Variants in HTR4 observed in about 807,000 individuals in gnomAD.
The protein encoded by HTR4 is 5-hydroxytryptamine (serotonin) receptor 4, G protein-coupled.
A neutral mutation model predicts 36.8 loss-of-function variants in HTR4; 16 were observed. The observed-to-expected ratio is 0.43, with a 90% CI of 0.29 to 0.66. HTR4 has a LOEUF of 0.66. Ranked by LOEUF, HTR4 falls within the 30% of genes least tolerant of loss-of-function variation. The pLI is 0.13. For missense variants in HTR4, 438 were observed against 490.9 expected (o/e 0.89, Z 1.02); for synonymous variants, 189 against 185.1 (o/e 1.02, Z -0.17).
At chr5:148,475,793 T>C (rs1755680074), downstream of HTR4, among the ~76,000 whole-genome samples, 1 of 152,234 alleles carries the variant, frequency 6.6e-6, no homozygotes, top group Admixed American at 6.5e-5. Flanking sequence ...GAGAGCTTAC[T>C]GTATGCCAGA....
chr5:148,645,057 A>AAAG (rs1463542890), intron 1 of HTR4: 1 of 152,226 alleles, frequency 6.6e-6, no homozygotes, highest in Non-Finnish European at 1.5e-5. Context: ...TTATAAAATA[A>AAAG]ATTTATTTAA....
intron 1 of HTR4, among the ~76,000 whole-genome samples, chr5:148,650,311 TA>T (rs898146886): frequency 7.0e-4 from 106 of 151,322 alleles, no homozygotes; most frequent in African/African-American, 2.4e-3. Flanking sequence ...ACATAGCACT[TA>T]AAAAAAAATA....
At chr5:148,559,583 A>G (rs887445775) in intron 2 of HTR4, among the ~76,000 whole-genome samples, 3 of 152,102 alleles carry the variant, frequency 2.0e-5, no homozygotes, top group African/African-American at 7.2e-5. Flanking sequence ...AGGTTTCTTG[A>G]GAGACTAAAC....
At chr5:148,604,420 C>CT (rs1162685373) in intron 2 of HTR4, among the ~76,000 whole-genome samples, 1 of 152,126 alleles carries the variant, frequency 6.6e-6, no homozygotes, top group Non-Finnish European at 1.5e-5. Context: ...ATTTAGATCT[C>CT]TTATACTGTT....
chr5:148,636,216 C>A (rs1025220462), intron 2 of HTR4, among the ~76,000 whole-genome samples: 1 of 152,138 alleles, frequency 6.6e-6, no homozygotes, highest in Non-Finnish European at 1.5e-5. Context: ...TGCAGAGGCA[C>A]AAGGCCCCTG....
chr5:148,528,598 G>A (rs904845591), intron 4 of HTR4, among the ~76,000 whole-genome samples: 3 of 152,058 alleles, frequency 2.0e-5, no homozygotes, highest in South Asian at 2.1e-4. Flanking sequence ...AGTGTTAACC[G>A]ATGGTGCTTC....
chr5:148,580,026 G>A (rs1761072268), intron 2 of HTR4, among the ~76,000 whole-genome samples: 1 of 151,978 alleles, frequency 6.6e-6, no homozygotes, highest in Admixed American at 6.6e-5. Flanking sequence ...CCAAGGAGAA[G>A]GAGTATGTAT....
intron 2 of HTR4, among the ~76,000 whole-genome samples, chr5:148,571,311 G>C (rs1323513209): frequency 6.6e-6 from 1 of 152,084 alleles, no homozygotes; most frequent in Admixed American, 6.6e-5. Flanking sequence ...GTCTGCGTTA[G>C]ACTTTGTTGG....
At chr5:148,637,465 T>C (rs1465014001) in intron 1 of HTR4, among the ~76,000 whole-genome samples, 1 of 152,028 alleles carries the variant, frequency 6.6e-6, no homozygotes, top group Non-Finnish European at 1.5e-5. Context: ...TTTAAAAAAA[T>C]GTTTAAATCA....
At chr5:148,462,909 A>C (rs1411963131) in intron 5 of HTR4, among the ~76,000 whole-genome samples, 1 of 152,168 alleles carries the variant, frequency 6.6e-6, no homozygotes, top group African/African-American at 2.4e-5. Flanking sequence ...AAGAAAAATC[A>C]CATGATTATA....
At chr5:148,593,859 G>T (rs1216172074) in intron 2 of HTR4, among the ~76,000 whole-genome samples, 1 of 152,114 alleles carries the variant, frequency 6.6e-6, no homozygotes, top group Non-Finnish European at 1.5e-5. Context: ...AATGACCAAT[G>T]CTTCAACCAT....
Position 148,482,148 on chromosome 5 carries a change from C to G in HTR4, c.*1055G>C. On this transcript the variant is annotated 3_prime_UTR_variant, in exon 7 of 7. Coordinates refer to ENST00000377888, the MANE Select transcript of HTR4 (RefSeq NM_000870.7). ...TCCTCTGGCTTCAAGTACAGCATTG[C>G]CTCGGCATCCCCAGTGCTGCTGGAT... The G allele has an allele frequency of 3.0e-6, 3 of 985,856 alleles. No individual in the cohort carries two copies. The highest frequency in any genetic ancestry group is 3.6e-6 in the Non-Finnish European group (3 of 830,306). The allele number at this position is 985,856 out of a possible 1,614,324, so 61.1% of individuals were successfully genotyped here.
At chr5:148,621,332 C>T (rs751807501) in intron 2 of HTR4, among the ~76,000 whole-genome samples, 6 of 152,166 alleles carry the variant, frequency 3.9e-5, no homozygotes, top group African/African-American at 1.2e-4. Context: ...CCAGTGTGAT[C>T]GCCAACCAGC....
At chr5:148,641,742 G>A (rs1294772371) in intron 1 of HTR4, among the ~76,000 whole-genome samples, 1 of 152,072 alleles carries the variant, frequency 6.6e-6, no homozygotes, top group African/African-American at 2.4e-5. Flanking sequence ...CCAACCCTTG[G>A]TTTTCTGGCT....
At chr5:148,472,933 G>T (rs1423170040), downstream of HTR4, among the ~76,000 whole-genome samples, 1 of 152,046 alleles carries the variant, frequency 6.6e-6, no homozygotes, top group South Asian at 2.1e-4. Flanking sequence ...TTTTCTTTTT[G>T]TATTTATTGT....
At chr5:148,506,228 C>T (rs1443751624) in intron 6 of HTR4, among the ~76,000 whole-genome samples, 6 of 152,154 alleles carry the variant, frequency 3.9e-5, no homozygotes, top group African/African-American at 1.4e-4. Flanking sequence ...CACACATCTA[C>T]AACCATCTGA....
chr5:148,503,322 G>A (rs986175986), intron 6 of HTR4, among the ~76,000 whole-genome samples: 5 of 152,212 alleles, frequency 3.3e-5, no homozygotes, highest in East Asian at 3.9e-4. Flanking sequence ...GCCAGAAGAG[G>A]GTGGGGGCCA....
At chr5:148,487,948 G>C (rs1184200955) in intron 6 of HTR4, among the ~76,000 whole-genome samples, 1 of 152,202 alleles carries the variant, frequency 6.6e-6, no homozygotes, top group African/African-American at 2.4e-5. Flanking sequence ...GATGAGAAAA[G>C]ACTTGGTGAT....
chr5:148,652,159 T>A (rs1754058358), intron 1 of HTR4, among the ~76,000 whole-genome samples: 1 of 152,154 alleles, frequency 6.6e-6, no homozygotes, highest in Non-Finnish European at 1.5e-5. Flanking sequence ...TCTATTCCTA[T>A]CTCCAGAAAT....
Sources: allele counts gnomAD v4.1 joint callset (sites outside exome capture counted in the v4.1 genomes callset), GRCh38; gene constraint gnomAD v4.1.1; transcripts MANE v1.5; gene names NCBI Gene and HGNC (gene_info 2026-07-23, HGNC 2026-07-21).